CFAP221: variants seen among roughly 807,000 people sequenced by gnomAD.
CFAP221 encodes cilia and flagella associated protein 221, also known as cilia- and flagella-associated protein 221.
Under a neutral mutation model 113.1 loss-of-function variants are expected in CFAP221, and 97 were observed. That is an observed-to-expected ratio of 0.86 (90% CI 0.73 to 1.02). The LOEUF (loss-of-function observed/expected upper bound fraction) is 1.02, where lower values mean the gene tolerates loss of function less well. CFAP221 is among the 50% of genes least tolerant of loss of function. CFAP221 has a pLI of 0.00. For synonymous variants in CFAP221, 331 were observed against 354.4 expected (o/e 0.93, Z 0.74); for missense variants, 1,025 against 1,013.4 (o/e 1.01, Z -0.16).
downstream of CFAP221, among the ~76,000 whole-genome samples, chr2:119,658,438 A>G (rs1319254414): frequency 6.6e-6 from 1 of 152,064 alleles, no homozygotes. Context: ...TTCCCACGTC[A>G]GCCCTGGAAT....
chr2:119,591,430 C>G (rs1316036334), intron 7 of CFAP221, among the ~76,000 whole-genome samples: 1 of 152,186 alleles, frequency 6.6e-6, no homozygotes, highest in African/African-American at 2.4e-5. Context: ...GCTCAATATA[C>G]CCTTGATGGG....
At chr2:119,563,479 G>A (rs1481180730) in intron 6 of CFAP221, among the ~76,000 whole-genome samples, 1 of 152,126 alleles carries the variant, frequency 6.6e-6, no homozygotes, top group African/African-American at 2.4e-5. Flanking sequence ...GTACTGGTTG[G>A]AAAATATATA....
At chr2:119,638,136 T>C (rs754286379) in intron 19 of CFAP221, 123 bp from the exon 20 acceptor site, 15 of 939,846 alleles carry the variant, frequency 1.6e-5, no homozygotes, top group Middle Eastern at 2.3e-4. Context: ...CCAGACAAGC[T>C]GACATGGAGT....
At chr2:119,611,814 A>T in intron 13 of CFAP221, 72 bp downstream of exon 13, 1 of 1,095,054 alleles carries the variant, frequency 9.1e-7, no homozygotes, top group Non-Finnish European at 1.4e-6. Flanking sequence ...TGAATGCTAA[A>T]CAATTTTATA....
chr2:119,653,310 G>T (rs1688238024), intron 23 of CFAP221, among the ~76,000 whole-genome samples: 1 of 152,176 alleles, frequency 6.6e-6, no homozygotes, highest in Non-Finnish European at 1.5e-5. Context: ...GAACCTGGGA[G>T]GCAAAGGTTT....
chr2:119,573,659 G>A (rs1179568352), intron 6 of CFAP221, among the ~76,000 whole-genome samples: 1 of 152,198 alleles, frequency 6.6e-6, no homozygotes, highest in Non-Finnish European at 1.5e-5. Context: ...TGGTGCCACT[G>A]CACTCTAGCC....
intron 6 of CFAP221, among the ~76,000 whole-genome samples, chr2:119,581,132 C>T (rs1682821085): frequency 6.6e-6 from 1 of 152,142 alleles, no homozygotes; most frequent in Admixed American, 6.6e-5. Flanking sequence ...AGATTAAATC[C>T]TTTTACTCAA....
chr2:119,640,421 G>C (rs774852823), intron 21 of CFAP221, among the ~76,000 whole-genome samples: 1 of 152,138 alleles, frequency 6.6e-6, no homozygotes, highest in African/African-American at 2.4e-5. Context: ...AAGAAACTTA[G>C]AGTGACTACA....
intron 21 of CFAP221, among the ~76,000 whole-genome samples, chr2:119,640,870 C>T (rs1687442771): frequency 6.6e-6 from 1 of 152,242 alleles, no homozygotes; most frequent in African/African-American, 2.4e-5. Flanking sequence ...CAGCCATGCC[C>T]CTTGGCCAAC....
intron 19 of CFAP221, among the ~76,000 whole-genome samples, chr2:119,634,243 G>A (rs1342915182): frequency 2.6e-5 from 4 of 152,200 alleles, no homozygotes; most frequent in Non-Finnish European, 5.9e-5. Flanking sequence ...GGGAGGCTAA[G>A]GCAGGAGGAT....
chr2:119,590,410 A>G (rs1262142297), intron 7 of CFAP221, among the ~76,000 whole-genome samples: 1 of 152,148 alleles, frequency 6.6e-6, no homozygotes, highest in Non-Finnish European at 1.5e-5. Context: ...AGCACCTTCT[A>G]GCAAAGAATG....
rs550736816 is a variant in CFAP221, at chr2:119,555,831, G to A, written c.241-3858G>A. Among the ~76,000 whole-genome samples, 20 of 152,286 alleles carry A rather than the reference G, an allele frequency of 1.3e-4. No homozygotes were observed. In the South Asian group the frequency reaches 4.2e-3, roughly 32 times the overall value. ...AAAATGGCCTCTGCAGTCTTCCTGG[G>A]CTCAGACAAATCTTTGAGAGGACAA... On this transcript the variant is annotated intron_variant, in intron 3 of 23. Transcript: ENST00000413369.
chr2:119,647,439 C>T (rs748115151), intron 22 of CFAP221, among the ~76,000 whole-genome samples: 43 of 152,148 alleles, frequency 2.8e-4, no homozygotes, highest in South Asian at 1.0e-3. Flanking sequence ...CTGATCAGCA[C>T]GCAACAGCCA....
intron 6 of CFAP221, among the ~76,000 whole-genome samples, chr2:119,565,617 A>G (rs920908906): frequency 4.1e-4 from 62 of 152,206 alleles, no homozygotes; most frequent in African/African-American, 1.3e-3. Flanking sequence ...TCAGCTAAAC[A>G]GTTTATTTAA....
At chr2:119,581,206 C>G (rs1682824034) in intron 6 of CFAP221, among the ~76,000 whole-genome samples, 1 of 151,966 alleles carries the variant, frequency 6.6e-6, no homozygotes. Flanking sequence ...AAGCCAAAAC[C>G]CAACAATCAG....
chr2:119,647,107 G>A (rs1224206516), intron 22 of CFAP221, 57 bp downstream of exon 22: 26 of 1,322,744 alleles, frequency 2.0e-5, no homozygotes, highest in Non-Finnish European at 2.7e-5. Context: ...CCAAAAATAT[G>A]TGAGGTGCTG....
Position 119,630,479 on chromosome 2 carries a change from ACCAGGAAG to A in CFAP221, c.1732-89_1732-82del, listed in dbSNP as rs1319321854. On this transcript the variant is annotated intron_variant, in intron 17 of 23. Transcript: ENST00000413369. ...ACATGGTGCTTGTCTTACTTTTACC[ACCAGGAAG>A]CTCGGAAATGCTGTTGTTGAGAAGT... 1.6e-5 allele frequency: 15 copies of A among 959,970 alleles called. No homozygotes were observed. In the African/African-American group the frequency reaches 1.6e-4, roughly 10 times the overall value. 59.5% of individuals were successfully genotyped at this position (959,970 alleles called of 1,614,324 possible).
intron 6 of CFAP221, among the ~76,000 whole-genome samples, chr2:119,579,197 A>G (rs953947462): frequency 6.6e-6 from 1 of 152,056 alleles, no homozygotes; most frequent in Non-Finnish European, 1.5e-5. Flanking sequence ...AAGCACTAAC[A>G]TGTACTTGCC....
intron 3 of CFAP221, among the ~76,000 whole-genome samples, chr2:119,551,279 T>C (rs1202895798): frequency 6.6e-6 from 1 of 152,178 alleles, no homozygotes; most frequent in East Asian, 1.9e-4. Context: ...AGGAGCATTA[T>C]TGGGTTATAT....
Sources: allele counts gnomAD v4.1 joint callset (sites outside exome capture counted in the v4.1 genomes callset), GRCh38; gene constraint gnomAD v4.1.1; transcripts MANE v1.5; gene names NCBI Gene and HGNC (gene_info 2026-07-23, HGNC 2026-07-21).